Variants in PEAK1 observed in about 807,000 individuals in gnomAD.
PEAK1 encodes pseudopodium enriched atypical kinase 1.
PEAK1 carries 54 observed loss-of-function variants against 124.7 expected under a neutral mutation model. The observed-to-expected ratio is 0.43, with a 90% CI of 0.35 to 0.54. The LOEUF (loss-of-function observed/expected upper bound fraction) is 0.54. Ranked by LOEUF, PEAK1 falls within the 20% of genes least tolerant of loss-of-function variation. PEAK1 has a pLI of 0.01. For missense variants in PEAK1, 2,046 were observed against 2,134.5 expected, an observed-to-expected ratio of 0.96 and a Z score of 0.82; for synonymous variants, 719 against 760.0, an observed-to-expected ratio of 0.95 and a Z score of 0.89.
At chr15:77,306,506 A>C (rs1195670606) in intron 2 of PEAK1, among the ~76,000 whole-genome samples, 1 of 152,206 alleles carries the variant, frequency 6.6e-6, no homozygotes, top group Non-Finnish European at 1.5e-5. Flanking sequence ...CTAGTTCCAG[A>C]GAAAGAATAG....
chr15:77,335,423 T>C lies in PEAK1; in HGVS notation c.-603+29740A>G, dbSNP rs927881891. On this transcript the variant is annotated intron_variant, in intron 2 of 9. Transcript: ENST00000682557. ...TGGGTGAAGATAGGAAACTTTTTTT[T>C]CTGCTATTTTGCCCAATACTGTTGT... 1.1e-5 allele frequency: 11 copies of C among 985,240 alleles called. No individual in the cohort carries two copies. In the South Asian group the frequency reaches 2.3e-4, roughly 21 times the overall value. The allele number at this position is 985,240 out of a possible 1,614,324, so 61.0% of individuals were successfully genotyped here.
Position 77,109,832 on chromosome 15 carries a change from T to C in PEAK1, c.*4324A>G, listed in dbSNP as rs965695777. On this transcript the variant is annotated 3_prime_UTR_variant, in exon 10 of 10. Coordinates refer to ENST00000682557, the MANE Select transcript of PEAK1 (RefSeq NM_001385026.1). ...GGGTTGGCCCAGCAAGTCCAGTTTG[T>C]CTCACCCCTCTCCAAGAATGTTCAT... is the stretch of plus-strand genomic sequence containing the variant. 6.6e-6 allele frequency: 1 copy of C among 152,190 alleles called. No homozygotes were observed. The highest frequency in any genetic ancestry group is 2.1e-4 in the South Asian group (1 of 4,832). The allele number at this position is 152,190 out of a possible 1,614,324, so 9.4% of individuals were successfully genotyped here. A position where few individuals can be genotyped will look rare whatever the true frequency, so the allele number is the denominator to read the frequency against.
chr15:77,167,059 A>G (rs1352882130), intron 7 of PEAK1, among the ~76,000 whole-genome samples: 1 of 152,230 alleles, frequency 6.6e-6, no homozygotes, highest in Non-Finnish European at 1.5e-5. Context: ...TCCCAGGAAC[A>G]CATTCTGAGA....
At chr15:77,305,050 G>C (rs760687593) in intron 2 of PEAK1, among the ~76,000 whole-genome samples, 5 of 151,702 alleles carry the variant, frequency 3.3e-5, no homozygotes, top group African/African-American at 1.2e-4. Context: ...GGGAAGCTGA[G>C]GTGGATCTCT....
At chr15:77,334,531 C>G in intron 2 of PEAK1, 3 of 985,300 alleles carry the variant, frequency 3.0e-6, no homozygotes, top group Non-Finnish European at 3.6e-6. Context: ...CTCTTTCATG[C>G]GAGAATTTAT....
intron 5 of PEAK1, chr15:77,255,481 G>T: frequency 1.4e-6 from 1 of 711,530 alleles, no homozygotes; most frequent in Non-Finnish European, 1.7e-6. Context: ...ATGTTACAAC[G>T]TTTTGGGAAA....
Position 77,133,512 on chromosome 15 carries a change from G to A in PEAK1, c.3570C>T (p.Ile1190=), listed in dbSNP as rs745478452. 5.6e-6 allele frequency: 9 copies of A among 1,614,204 alleles called. No individual in the cohort carries two copies. In the East Asian group the frequency reaches 1.8e-4, roughly 32 times the overall value. ...CACTGCTGGCATCCCAGTTGGGGTCGATATCATAGGTGGGATTAGCCATGA... is the reference window on the plus strand; with the variant it reads ...CACTGCTGGCATCCCAGTTGGGGTCAATATCATAGGTGGGATTAGCCATGA... ...LCVMANPTYD[I]DPNWDASSAG... The change falls in exon 9 of 10, where the codon ATC becomes ATT. Residue 1190 remains isoleucine, a synonymous_variant. Transcript: ENST00000682557. The surrounding 1 kb of genome is among the most constrained non-coding windows in gnomAD (Gnocchi z 4.2).
chr15:77,329,054 AT>A (rs2065750814), intron 2 of PEAK1, among the ~76,000 whole-genome samples: 1 of 152,190 alleles, frequency 6.6e-6, no homozygotes, highest in African/African-American at 2.4e-5. Flanking sequence ...TACTTTCTCT[AT>A]TTTCATGAAA....
chr15:77,256,686 A>G (rs2061155354), intron 5 of PEAK1, among the ~76,000 whole-genome samples: 1 of 151,820 alleles, frequency 6.6e-6, no homozygotes, highest in African/African-American at 2.4e-5. Context: ...GAACATAGCC[A>G]GTTCATTTGT....
chr15:77,120,304 G>A (rs1219990461), intron 9 of PEAK1, among the ~76,000 whole-genome samples: 2 of 152,054 alleles, frequency 1.3e-5, no homozygotes, highest in Non-Finnish European at 2.9e-5. Flanking sequence ...TTGTCTTTGG[G>A]CTTTAGGCTC....
At chr15:77,120,506 C>T (rs949043978) in intron 9 of PEAK1, among the ~76,000 whole-genome samples, 71 of 152,206 alleles carry the variant, frequency 4.7e-4, no homozygotes, top group African/African-American at 1.7e-3. Flanking sequence ...TGCATCTTCA[C>T]TCCCTATGGC....
chr15:77,242,502 A>T (rs2060403369), intron 6 of PEAK1, among the ~76,000 whole-genome samples: 1 of 152,148 alleles, frequency 6.6e-6, no homozygotes. Flanking sequence ...TCTTTGAGGA[A>T]ATGTAACAGG....
intron 7 of PEAK1, among the ~76,000 whole-genome samples, chr15:77,171,878 A>AT (rs1181811402): frequency 3.3e-5 from 5 of 152,122 alleles, no homozygotes; most frequent in East Asian, 1.9e-4. Flanking sequence ...CCTAAATAAT[A>AT]TTTTTTTCAA....
intron 6 of PEAK1, among the ~76,000 whole-genome samples, chr15:77,215,235 A>C (rs895107694): frequency 1.3e-5 from 2 of 152,158 alleles, no homozygotes; most frequent in African/African-American, 4.8e-5. Context: ...TGCCCATTTT[A>C]AATTGGGTTT....
At position 77,156,233 on chromosome 15, in the gene PEAK1, T is replaced by C. The variant is rs187868727; in HGVS notation, c.3331+2270A>G. On this transcript the variant is annotated intron_variant, in intron 8 of 9. Coordinates refer to ENST00000682557, the MANE Select transcript of PEAK1 (RefSeq NM_001385026.1). ...CCCCTCCCCCAGCCTCGGTGCTGCA[T>C]TGCAGTTTGATCTCAGACTGCTGTG... 2.6e-3 allele frequency: 407 copies of C among 154,898 alleles called. 1 individual carries two copies. Among genetic ancestry groups the C allele is most frequent in the African/African-American group, 8.9e-3 (370 of 41,616 alleles). 9.6% of individuals were successfully genotyped at this position (154,898 alleles called of 1,614,324 possible).
exon 7 of PEAK1, chr15:77,102,802 T>A (rs1388207376): frequency 1.3e-5 from 2 of 152,218 alleles, no homozygotes; most frequent in African/African-American, 4.8e-5. Flanking sequence ...TGCTCAATTA[T>A]GCCTTCAATT....
intron 8 of PEAK1, among the ~76,000 whole-genome samples, chr15:77,151,430 A>T (rs951535151): frequency 4.6e-5 from 7 of 152,176 alleles, no homozygotes; most frequent in African/African-American, 1.7e-4. Context: ...AGATGAATAG[A>T]TTGCAAAAAT....
At chr15:77,246,871 A>G (rs2152919783) in intron 6 of PEAK1, among the ~76,000 whole-genome samples, 1 of 152,002 alleles carries the variant, frequency 6.6e-6, no homozygotes, top group Middle Eastern at 3.4e-3. Context: ...AAAAAAAATT[A>G]GCTAAGCATG....
intron 1 of PEAK1, among the ~76,000 whole-genome samples, chr15:77,368,423 C>G (rs185316618): frequency 6.6e-6 from 1 of 151,478 alleles, no homozygotes; most frequent in South Asian, 2.1e-4. Context: ...GAGGCTGAGG[C>G]GGGGGAATTG....
Sources: gnomAD v4.1 joint callset for allele counts (sites outside exome capture counted in the v4.1 genomes callset) on GRCh38, gnomAD v4.1.1 for gene constraint, Gnocchi (gnomAD v3.1) non-coding constraint, MANE v1.5 for transcripts, NCBI Gene and HGNC (gene_info 2026-07-23, HGNC 2026-07-21) for gene names.